PRKCB: variants seen among roughly 807,000 people sequenced by gnomAD.
PRKCB encodes protein kinase C beta.
Under a neutral mutation model 81.5 loss-of-function variants are expected in PRKCB, and 13 were observed. The ratio of observed to expected loss-of-function variants is 0.16; its 90% CI spans 0.10 to 0.25. The LOEUF is 0.25. PRKCB is among the 10% of genes least tolerant of loss of function. The pLI is 1.00. For missense variants in PRKCB, 509 were observed against 875.7 expected (o/e 0.58, Z 5.29); for synonymous variants, 335 against 321.4 (o/e 1.04, Z -0.45).
intron 3 of PRKCB, among the ~76,000 whole-genome samples, chr16:24,025,084 A>G (rs1243242789): frequency 6.6e-6 from 1 of 152,186 alleles, no homozygotes; most frequent in Non-Finnish European, 1.5e-5. Flanking sequence ...CAGCCTCTAA[A>G]TAAGCCGTAA....
rs1963951205 is a variant in PRKCB at position 23,930,198 on chromosome 16, G to A, written c.206-58310G>A. ...GATGTTGACGGAGCCAGTTTCTAATGCCCCAAGGCAGCCACACTTTGTATG... is the reference window on the plus strand; with the variant it reads ...GATGTTGACGGAGCCAGTTTCTAATACCCCAAGGCAGCCACACTTTGTATG... On this transcript the variant is annotated intron_variant, in intron 2 of 16. Transcript: ENST00000643927. Among the ~76,000 whole-genome samples, 4 of 152,196 alleles carry A rather than the reference G, an allele frequency of 2.6e-5. No individual in the cohort carries two copies. In the South Asian group the frequency reaches 8.3e-4, roughly 32 times the overall value.
chr16:24,191,715 C>T (rs1043134157), intron 16 of PRKCB: 2 of 152,546 alleles, frequency 1.3e-5, no homozygotes, highest in African/African-American at 4.8e-5. Context: ...GGCAGTTCAG[C>T]AGCCAGCTCC....
intron 13 of PRKCB, among the ~76,000 whole-genome samples, chr16:24,184,464 AG>A (rs1335971903): frequency 6.6e-5 from 10 of 151,904 alleles, no homozygotes; most frequent in African/African-American, 2.4e-4. Flanking sequence ...CAAAAAAAAA[AG>A]AAAAGAAAAA....
intron 12 of PRKCB, among the ~76,000 whole-genome samples, chr16:24,179,774 T>C (rs1429951247): frequency 6.6e-6 from 1 of 152,208 alleles, no homozygotes; most frequent in African/African-American, 2.4e-5. Flanking sequence ...ATGTCCTCTT[T>C]ATTTTCATCA....
intron 5 of PRKCB, among the ~76,000 whole-genome samples, chr16:24,038,435 C>T (rs114727659): frequency 1.4e-4 from 22 of 152,238 alleles, no homozygotes; most frequent in Non-Finnish European, 1.6e-4. Flanking sequence ...TCACACCATT[C>T]GGGAAAGGGC....
intron 9 of PRKCB, among the ~76,000 whole-genome samples, chr16:24,128,678 C>T (rs957569768): frequency 5.9e-5 from 9 of 152,228 alleles, no homozygotes; most frequent in South Asian, 2.1e-4. Context: ...AGCATTCAAA[C>T]GTGTCATTCA....
chr16:23,958,440 G>A (rs1340313223), intron 2 of PRKCB, among the ~76,000 whole-genome samples: 1 of 152,036 alleles, frequency 6.6e-6, no homozygotes, highest in Non-Finnish European at 1.5e-5. Context: ...GAGTAGCTGG[G>A]ACCACAGGCA....
chr16:23,920,288 T>C (rs1373702250), intron 2 of PRKCB, among the ~76,000 whole-genome samples: 3 of 152,246 alleles, frequency 2.0e-5, no homozygotes, highest in African/African-American at 7.2e-5. Flanking sequence ...GCCATTTATG[T>C]GTCTTCTTTG....
At chr16:23,952,407 G>A (rs1029785202) in intron 2 of PRKCB, among the ~76,000 whole-genome samples, 4 of 152,182 alleles carry the variant, frequency 2.6e-5, no homozygotes, top group Admixed American at 2.6e-4. Context: ...TGTGAACAAG[G>A]CTTTAAAAAA....
intron 2 of PRKCB, among the ~76,000 whole-genome samples, chr16:23,845,877 C>T (rs1851665329): frequency 6.6e-6 from 1 of 152,100 alleles, no homozygotes; most frequent in South Asian, 2.1e-4. Context: ...AAAAATCAGA[C>T]AATTTCAGAG....
intron 3 of PRKCB, among the ~76,000 whole-genome samples, chr16:24,001,923 C>A (rs1397507497): frequency 6.6e-6 from 1 of 152,170 alleles, no homozygotes; most frequent in Admixed American, 6.5e-5. Context: ...GGAACTGAAG[C>A]TCCAGTACTT....
chr16:23,849,241 C>T (rs1433916073), intron 2 of PRKCB, among the ~76,000 whole-genome samples: 1 of 152,216 alleles, frequency 6.6e-6, no homozygotes, highest in Non-Finnish European at 1.5e-5. Flanking sequence ...GACCATTTCA[C>T]CCTTCTAAAT....
intron 2 of PRKCB, among the ~76,000 whole-genome samples, chr16:23,988,090 C>T (rs1183171730): frequency 6.6e-6 from 1 of 152,174 alleles, no homozygotes; most frequent in Non-Finnish European, 1.5e-5. Context: ...ATGAACACCT[C>T]TCTTAAGTGT....
intron 10 of PRKCB, among the ~76,000 whole-genome samples, chr16:24,166,933 C>T (rs1450244656): frequency 1.3e-5 from 2 of 152,008 alleles, no homozygotes; most frequent in Non-Finnish European, 2.9e-5. Context: ...GTGGAGCGAT[C>T]CCCTGATGTG....
At chr16:23,990,748 A>G (rs1194636394) in intron 3 of PRKCB, among the ~76,000 whole-genome samples, 7 of 152,030 alleles carry the variant, frequency 4.6e-5, no homozygotes, top group Admixed American at 6.6e-5. Context: ...GGTTTTCCCT[A>G]TGTTGCCCAG....
At chr16:24,042,207 G>A (rs191060860) in intron 5 of PRKCB, among the ~76,000 whole-genome samples, 11 of 152,272 alleles carry the variant, frequency 7.2e-5, no homozygotes, top group Admixed American at 4.6e-4. Context: ...ACTAGGCCGC[G>A]AGGGCCCACT....
intron 2 of PRKCB, among the ~76,000 whole-genome samples, chr16:23,956,251 G>A (rs1964347752): frequency 6.6e-6 from 1 of 151,958 alleles, no homozygotes; most frequent in South Asian, 2.1e-4. Flanking sequence ...TCAAGTAGCT[G>A]GGACTACAGG....
At chr16:23,975,763 T>C (rs775221363) in intron 2 of PRKCB, among the ~76,000 whole-genome samples, 6 of 152,172 alleles carry the variant, frequency 3.9e-5, no homozygotes, top group Non-Finnish European at 5.9e-5. Context: ...GGCTTACTTA[T>C]AGGAACGTAC....
chr16:24,088,568 A>C (rs2141897722), intron 5 of PRKCB, among the ~76,000 whole-genome samples: 1 of 152,144 alleles, frequency 6.6e-6, no homozygotes, highest in South Asian at 2.1e-4. Flanking sequence ...CTCTACAAAA[A>C]TTTTTTAAAA....
Sources: gnomAD v4.1 joint callset for allele counts (sites outside exome capture counted in the v4.1 genomes callset) on GRCh38, gnomAD v4.1.1 for gene constraint, MANE v1.5 for transcripts, NCBI Gene and HGNC (gene_info 2026-07-23, HGNC 2026-07-21) for gene names.